The following SBNO2 variants were observed in gnomAD, a reference collection of about 807,000 sequenced individuals.
SBNO2 encodes protein strawberry notch homolog 2.
In SBNO2, 89 loss-of-function variants were observed where a neutral mutation model predicts 146.3. The observed-to-expected ratio is 0.61, with a 90% CI of 0.51 to 0.73. The LOEUF is 0.73. SBNO2 is among the 30% of genes least tolerant of loss of function. The pLI is 0.00. For missense variants in SBNO2, 2,092 were observed against 2,003.7 expected, an observed-to-expected ratio of 1.04 and a Z score of -0.84; for synonymous variants, 1,147 against 892.6, an observed-to-expected ratio of 1.29 and a Z score of -5.08.
At position 1,140,166 on chromosome 19, in the gene SBNO2, G is replaced by T. The variant is rs2080121704; in HGVS notation, c.279+7143C>A. Among the ~76,000 whole-genome samples the T allele has an allele frequency of 6.6e-6, 1 of 151,998 alleles. No individual in the cohort carries two copies. The highest frequency in any genetic ancestry group is 6.6e-5 in the Admixed American group (1 of 15,254). On this transcript the variant is annotated intron_variant, in intron 4 of 31. Coordinates refer to ENST00000361757, the MANE Select transcript of SBNO2 (RefSeq NM_014963.3). This position sits in a 1 kb window ranked among gnomAD's most constrained non-coding sequence, Gnocchi z 4.4. The stretch of plus-strand genomic sequence containing the variant: ...ACACAAAAAATTAGCTGGGCGTGGT[G>T]GTGGGCACCTGTAGTCCCAGCTACT...
intron 1 of SBNO2, among the ~76,000 whole-genome samples, chr19:1,160,691 C>G (rs1027227628): frequency 6.6e-6 from 1 of 152,066 alleles, no homozygotes; most frequent in Non-Finnish European, 1.5e-5. Flanking sequence ...CACCACGGCC[C>G]GGATAATTTG....
At position 1,136,524 on chromosome 19, in the gene SBNO2, C is replaced by T. The variant is rs1265825030; in HGVS notation, c.280-8759G>A. ...CCCAGGCCCTGGGCGGAGGCTCCTC[C>T]TCCCGGGGGGGCTGTGGCCTCAGCA... On this transcript the variant is annotated intron_variant, in intron 4 of 31. Coordinates refer to ENST00000361757, the MANE Select transcript of SBNO2 (RefSeq NM_014963.3). The surrounding 1 kb of genome is among the most constrained non-coding windows in gnomAD (Gnocchi z 4.2). Among the ~76,000 whole-genome samples the T allele has an allele frequency of 6.6e-6, 1 of 152,240 alleles. No homozygotes were observed. Among genetic ancestry groups the T allele is most frequent in the Non-Finnish European group, 1.5e-5 (1 of 68,038 alleles).
rs1176477489 is a variant in SBNO2 at position 1,109,309 on chromosome 19, G to A, written c.3331C>T (p.Arg1111Cys). 2.5e-6 allele frequency: 4 copies of A among 1,597,020 alleles called. No individual in the cohort carries two copies. The highest frequency in any genetic ancestry group is 3.4e-6 in the Non-Finnish European group (4 of 1,173,054). ...QSQLEALDSLRRKFHRVTAEE... is the reference protein window; with the variant it reads ...QSQLEALDSLCRKFHRVTAEE... Reference sequence around the variant, plus strand: ...CCGCCTACCCGGTGGAACTTGCGGCGGAGGCTGTCCAGGGCCTCCAGCTGG... The same window carrying A: ...CCGCCTACCCGGTGGAACTTGCGGCAGAGGCTGTCCAGGGCCTCCAGCTGG... Residue 1111 changes from arginine (R) to cysteine (C), a missense_variant, in exon 29 of 32, where the codon CGC becomes TGC. By Grantham distance (180) the Arg-to-Cys change is radical. Coordinates refer to ENST00000361757, the MANE Select transcript of SBNO2 (RefSeq NM_014963.3). This position sits in a 1 kb window ranked among gnomAD's most constrained non-coding sequence, Gnocchi z 4.2.
rs932222080 is a variant in SBNO2, at chr19:1,173,551, G to T, written c.-127+621C>A. On this transcript the variant is annotated intron_variant, in intron 1 of 31. Transcript: ENST00000361757. This position sits in a 1 kb window ranked among gnomAD's most constrained non-coding sequence, Gnocchi z 4.7. ...GGAGACAGGGCTGCGCTGCGGGGCC[G>T]AGAAGGCAAGGGTCCTGGGACCGGG... Among the ~76,000 whole-genome samples, 2 of 152,152 alleles carry T rather than the reference G, an allele frequency of 1.3e-5. No individual in the cohort carries two copies. Among genetic ancestry groups the T allele is most frequent in the African/African-American group, 2.4e-5 (1 of 41,454 alleles).
At chr19:1,129,258 C>T (rs1239345278) in intron 4 of SBNO2, among the ~76,000 whole-genome samples, 1 of 152,080 alleles carries the variant, frequency 6.6e-6, no homozygotes, top group African/African-American at 2.4e-5. Context: ...CACAGGGAGA[C>T]TCCATCTCAA....
chr19:1,154,709 T>C (rs977905363), intron 1 of SBNO2, among the ~76,000 whole-genome samples: 1 of 152,120 alleles, frequency 6.6e-6, no homozygotes, highest in African/African-American at 2.4e-5. Context: ...GCACCCAGAC[T>C]GTGAGCAGTG....
At chr19:1,139,190 G>C (rs191143752) in intron 4 of SBNO2, among the ~76,000 whole-genome samples, 78 of 152,348 alleles carry the variant, frequency 5.1e-4, no homozygotes, top group African/African-American at 1.7e-3. Context: ...CCCAGCCATA[G>C]CTCGGATGTA....
chr19:1,151,055 G>C (rs1275386392), intron 2 of SBNO2, among the ~76,000 whole-genome samples: 2 of 152,272 alleles, frequency 1.3e-5, no homozygotes, highest in African/African-American at 4.8e-5. Context: ...AGCCACAGGG[G>C]CTCCAGAGCC....
chr19:1,108,341 G>C lies in SBNO2; in HGVS notation c.3980C>G (p.Pro1327Arg), dbSNP rs2079699514. The C allele has an allele frequency of 2.3e-6, 3 of 1,322,990 alleles. No homozygotes were observed. Among genetic ancestry groups the C allele is most frequent in the Non-Finnish European group, 1.9e-6 (2 of 1,033,382 alleles). The allele number at this position is 1,322,990 out of a possible 1,614,324, so 82.0% of individuals were successfully genotyped here. ...EDMLRSLHAGPPSEGALGEGA... is the reference protein window; with the variant it reads ...EDMLRSLHAGRPSEGALGEGA... The stretch of plus-strand genomic sequence containing the variant: ...CTCCCCCAGCGCGCCCTCGGAGGGC[G>C]GCCCCGCGTGCAGCGAGCGCAGCAT... Residue 1327 changes from proline (P) to arginine (R), a missense_variant, in exon 32 of 32, where the codon CCG (proline) becomes CGG (arginine). Physicochemically the swap from Pro to Arg is moderately radical, Grantham distance 103. Coordinates refer to ENST00000361757, the MANE Select transcript of SBNO2 (RefSeq NM_014963.3).
intron 4 of SBNO2, among the ~76,000 whole-genome samples, chr19:1,145,473 C>CAAAA (rs1223891823): frequency 1.4e-5 from 1 of 70,828 alleles, no homozygotes; most frequent in Non-Finnish European, 2.9e-5. Flanking sequence ...AACTCTGTCT[C>CAAAA]AAAAAAAAAA....
chr19:1,121,080 C>T (rs753795224), intron 11 of SBNO2, among the ~76,000 whole-genome samples: 4 of 152,024 alleles, frequency 2.6e-5, no homozygotes, highest in Non-Finnish European at 4.4e-5. Flanking sequence ...TTAGTACAGA[C>T]GTGGTTTCAC....
chr19:1,108,819 C>A lies in SBNO2; in HGVS notation c.3576G>T (p.Gln1192His). 1.2e-6 allele frequency: 2 copies of A among 1,602,756 alleles called. No individual in the cohort carries two copies. The highest frequency in any genetic ancestry group is 8.5e-7 in the Non-Finnish European group (1 of 1,179,004). Reference protein sequence around the residue: ...MADVSSSSYLQIVRLKTKDRK... With the variant: ...MADVSSSSYLHIVRLKTKDRK... ...TGTCCTTGGTCTTCAGCCGCACGAT[C>A]TGCAGGTAGCTGCTGCTGCTGACGT... Residue 1192 changes from glutamine to histidine, a missense_variant, in exon 31 of 32, where the codon CAG becomes CAT. Transcript: ENST00000361757.
chr19:1,112,915 G>A lies in SBNO2; in HGVS notation c.2282C>T (p.Pro761Leu). The change falls in exon 20 of 32, where the codon CCC (proline) becomes CTC (leucine). Residue 761 changes from proline to leucine, a missense_variant. Pro to Leu is a moderately conservative substitution (Grantham distance 98). Coordinates refer to ENST00000361757, the MANE Select transcript of SBNO2 (RefSeq NM_014963.3). The surrounding 1 kb of genome is among the most constrained non-coding windows in gnomAD (Gnocchi z 5.9). ...TGRKGRVVSR[P>L]DGTVAFESRA... is the part of the protein sequence containing the mutation. ...CGACTCGAAGGCCACCGTCCCGTCG[G>A]GCCTGGACACCACGCGGCCTTTCCT... 1.3e-6 allele frequency: 2 copies of A among 1,568,456 alleles called. No individual in the cohort carries two copies. The highest frequency in any genetic ancestry group is 1.7e-6 in the Non-Finnish European group (2 of 1,158,398).
chr19:1,156,222 G>C (rs77095909), intron 1 of SBNO2, among the ~76,000 whole-genome samples: 6 of 152,142 alleles, frequency 3.9e-5, no homozygotes, highest in Admixed American at 6.5e-5. Flanking sequence ...AGCCCCCCAC[G>C]TCTGTGGACG....
rs2080086539 is a variant in SBNO2, at chr19:1,136,593, T to A, written c.280-8828A>T. On this transcript the variant is annotated intron_variant, in intron 4 of 31. Transcript: ENST00000361757. The surrounding 1 kb of genome is among the most constrained non-coding windows in gnomAD (Gnocchi z 4.2). Reference sequence around the variant, plus strand: ...GTGGCTCTTCTTGGCCTTGGCTGGGTGTGAACCAAAGACTTCCTGTAAGAA... The same window carrying A: ...GTGGCTCTTCTTGGCCTTGGCTGGGAGTGAACCAAAGACTTCCTGTAAGAA... Among the ~76,000 whole-genome samples, 1 of 152,132 alleles carries A rather than the reference T, an allele frequency of 6.6e-6. No homozygotes were observed. The highest frequency in any genetic ancestry group is 2.4e-5 in the African/African-American group (1 of 41,432).
intron 4 of SBNO2, among the ~76,000 whole-genome samples, chr19:1,129,271 AAAAC>A (rs542644747): frequency 2.2e-4 from 33 of 152,218 alleles, no homozygotes; most frequent in East Asian, 2.1e-3. Context: ...CATCTCAAGA[AAAAC>A]AAACAAAGAA....
intron 4 of SBNO2, among the ~76,000 whole-genome samples, chr19:1,138,686 G>A (rs951919223): frequency 1.4e-5 from 2 of 141,218 alleles, no homozygotes; most frequent in Non-Finnish European, 3.1e-5. Context: ...ACACAGTGGG[G>A]CCCTCCACGC....
intron 1 of SBNO2, among the ~76,000 whole-genome samples, chr19:1,166,453 G>A (rs1453583596): frequency 1.3e-5 from 2 of 152,164 alleles, no homozygotes; most frequent in Admixed American, 6.5e-5. Context: ...CAGCTTCCAC[G>A]CGGCTTCTGC....
chr19:1,119,824 C>A, intron 12 of SBNO2, 82 bp downstream of exon 12: 1 of 1,123,076 alleles, frequency 8.9e-7, no homozygotes, highest in Non-Finnish European at 1.3e-6. Flanking sequence ...GCTGAGTACG[C>A]GTGTGGGATA....
Sources: allele counts gnomAD v4.1 joint callset (sites outside exome capture counted in the v4.1 genomes callset), GRCh38; gene constraint gnomAD v4.1.1; non-coding constraint Gnocchi (gnomAD v3.1); transcripts MANE v1.5; gene names NCBI Gene and HGNC (gene_info 2026-07-23, HGNC 2026-07-21).